WWC2: variants seen among roughly 807,000 people sequenced by gnomAD.
The protein encoded by WWC2 is WW and C2 domain containing 2.
In WWC2, 101 loss-of-function variants were observed where a neutral mutation model predicts 138.5. That is an observed-to-expected ratio of 0.73 (90% CI 0.62 to 0.86). The LOEUF is 0.86. Among genes scored for constraint, WWC2 ranks in the 40% least tolerant of loss-of-function variants. The probability of loss-of-function intolerance (pLI) is 0.00; values close to 1 mark genes in which losing one functional copy is unlikely to be tolerated. For missense variants in WWC2, 1,420 were observed against 1,419.4 expected (o/e 1.00, Z -0.01); for synonymous variants, 558 against 538.4 (o/e 1.04, Z -0.50).
chr4:183,100,484 T>A (rs1743143614), intron 1 of WWC2, among the ~76,000 whole-genome samples: 1 of 152,252 alleles, frequency 6.6e-6, no homozygotes. Context: ...AATTATAAAT[T>A]TGTAAATTAT....
intron 1 of WWC2, among the ~76,000 whole-genome samples, chr4:183,153,736 C>T (rs1450220165): frequency 6.8e-6 from 1 of 147,772 alleles, no homozygotes; most frequent in African/African-American, 2.5e-5. Context: ...GTCTTGATCT[C>T]CTGGGCTCAA....
intron 1 of WWC2, among the ~76,000 whole-genome samples, chr4:183,192,263 T>C (rs1409653787): frequency 6.6e-6 from 1 of 152,230 alleles, no homozygotes; most frequent in Non-Finnish European, 1.5e-5. Context: ...CTAGTTAAAT[T>C]GCAGGGAGAG....
chr4:183,160,132 A>G (rs1733918194), intron 1 of WWC2, among the ~76,000 whole-genome samples: 1 of 152,246 alleles, frequency 6.6e-6, no homozygotes, highest in African/African-American at 2.4e-5. Context: ...CAAATCCTGT[A>G]TAAGTAACAA....
intron 4 of WWC2, among the ~76,000 whole-genome samples, chr4:183,215,008 A>C (rs956513326): frequency 6.6e-6 from 1 of 152,196 alleles, no homozygotes; most frequent in Non-Finnish European, 1.5e-5. Flanking sequence ...TTTGGAAATG[A>C]ATTTGTATTG....
chr4:183,217,554 A>G (rs1355339278), intron 4 of WWC2, among the ~76,000 whole-genome samples: 1 of 152,172 alleles, frequency 6.6e-6, no homozygotes, highest in Non-Finnish European at 1.5e-5. Context: ...AAGAATGTAA[A>G]GGAAAATGTG....
intron 16 of WWC2, among the ~76,000 whole-genome samples, chr4:183,274,398 A>G (rs1288726676): frequency 1.3e-5 from 2 of 152,160 alleles, no homozygotes; most frequent in African/African-American, 4.8e-5. Context: ...ATTTCTTTCA[A>G]TAATATTTCA....
intron 1 of WWC2, among the ~76,000 whole-genome samples, chr4:183,129,821 T>C (rs772182308): frequency 2.0e-5 from 3 of 152,214 alleles, no homozygotes; most frequent in Non-Finnish European, 4.4e-5. Flanking sequence ...TCCATGTCTT[T>C]GATGGCTTTT....
chr4:183,118,413 T>A (rs1732495392), intron 1 of WWC2, among the ~76,000 whole-genome samples: 1 of 152,190 alleles, frequency 6.6e-6, no homozygotes, highest in Non-Finnish European at 1.5e-5. Context: ...TTTCTGTCTT[T>A]ATGGTAGCTA....
intron 20 of WWC2, 65 bp downstream of exon 20, chr4:183,286,124 A>G (rs1738242146): frequency 1.4e-6 from 2 of 1,411,492 alleles, no homozygotes; most frequent in Non-Finnish European, 2.0e-6. Flanking sequence ...CTTGTGCAGC[A>G]CAAACTCCAG....
At chr4:183,174,161 T>A (rs918586033) in intron 1 of WWC2, among the ~76,000 whole-genome samples, 22 of 152,218 alleles carry the variant, frequency 1.4e-4, no homozygotes, top group Non-Finnish European at 2.9e-5. Flanking sequence ...CTGTTTTTAA[T>A]AAGGTACTCC....
intron 4 of WWC2, among the ~76,000 whole-genome samples, chr4:183,236,102 G>A (rs1736415576): frequency 6.6e-6 from 1 of 152,112 alleles, no homozygotes; most frequent in African/African-American, 2.4e-5. Context: ...ACCATTTATT[G>A]AAGGGACTGT....
chr4:183,315,712 C>T lies in WWC2; in HGVS notation c.3562C>T (p.Pro1188Ser). 1 of 1,613,068 alleles carries T rather than the reference C, an allele frequency of 6.2e-7. No individual in the cohort carries two copies. The highest frequency in any genetic ancestry group is 8.5e-7 in the Non-Finnish European group (1 of 1,179,268). Residue 1188 changes from proline to serine, a missense_variant, in exon 23 of 23, where the codon CCA (proline) becomes TCA (serine). Transcript: ENST00000403733. ...AGCAAAGATAAGCATCCCATCCCTG[C>T]CAGCTGATGATGTGTGATTACATGA... Reference protein sequence around the residue: ...TRAKISIPSLPADDV With the variant: ...TRAKISIPSLSADDV
chr4:183,106,615 C>G (rs1743369686), intron 1 of WWC2, among the ~76,000 whole-genome samples: 1 of 152,170 alleles, frequency 6.6e-6, no homozygotes, highest in African/African-American at 2.4e-5. Context: ...TTTGCAAAAA[C>G]TGATCTACTT....
intron 21 of WWC2, among the ~76,000 whole-genome samples, chr4:183,293,335 A>G (rs1329125227): frequency 6.6e-6 from 1 of 152,228 alleles, no homozygotes; most frequent in African/African-American, 2.4e-5. Context: ...TTTTAATACT[A>G]GGAAATATAT....
At position 183,312,352 on chromosome 4, in the gene WWC2, C is replaced by T; in HGVS notation, c.3396C>T (p.Ser1132=). The part of the protein sequence containing the change: ...LKQAEKQAEQ[S]KEEQKQGLNA... The stretch of plus-strand genomic sequence containing the variant: ...ATTCCCTTTTCCAGGCTGAACAGTC[C>T]AAAGAAGAGCAGAAGCAAGGTCTGA... The change falls in exon 22 of 23, where the codon TCC becomes TCT. Residue 1132 remains serine (S), a synonymous_variant. Coordinates refer to ENST00000403733, the MANE Select transcript of WWC2 (RefSeq NM_024949.6). 1 of 1,613,226 alleles carries T rather than the reference C, an allele frequency of 6.2e-7. No individual in the cohort carries two copies. Among genetic ancestry groups the T allele is most frequent in the Non-Finnish European group, 8.5e-7 (1 of 1,179,528 alleles).
intron 1 of WWC2, among the ~76,000 whole-genome samples, chr4:183,188,516 G>T (rs1425616977): frequency 6.6e-6 from 1 of 152,006 alleles, no homozygotes; most frequent in Non-Finnish European, 1.5e-5. Context: ...GGGATTACAG[G>T]TATTAGCCAC....
In WWC2 at chr4:183,253,884, G is replaced by A. The variant is rs149721424; in HGVS notation, c.1081G>A (p.Val361Ile). Residue 361 changes from valine to isoleucine, a missense_variant, in exon 9 of 23, where the codon GTC becomes ATC. By Grantham distance (29) the Val-to-Ile change is conservative (BLOSUM62 3). Coordinates refer to ENST00000403733, the MANE Select transcript of WWC2 (RefSeq NM_024949.6). Reference protein sequence around the residue: ...KEELLKELQFVTPQKRTQDEL... With the variant: ...KEELLKELQFITPQKRTQDEL... The stretch of plus-strand genomic sequence containing the variant: ...AGAACTTTTGAAAGAGCTTCAGTTC[G>A]TCACCCCACAGAAACGTACCCAAGA... 8.9e-5 allele frequency: 144 copies of A among 1,613,750 alleles called. 2 individuals carry two copies. In the African/African-American group the frequency reaches 1.4e-3, roughly 15 times the overall value.
chr4:183,250,097 T>G (rs999317559), intron 8 of WWC2, 104 bp downstream of exon 8: 22 of 1,029,996 alleles, frequency 2.1e-5, no homozygotes, highest in Non-Finnish European at 2.9e-5. Flanking sequence ...CATACATTCT[T>G]ACCAAGGCCA....
chr4:183,261,808 T>A (rs1187150058), intron 11 of WWC2, among the ~76,000 whole-genome samples: 1 of 152,234 alleles, frequency 6.6e-6, no homozygotes, highest in African/African-American at 2.4e-5. Flanking sequence ...TGGGAACATA[T>A]GTTGTGAACA....
Sources: allele counts gnomAD v4.1 joint callset (sites outside exome capture counted in the v4.1 genomes callset), GRCh38; gene constraint gnomAD v4.1.1; transcripts MANE v1.5; gene names NCBI Gene and HGNC (gene_info 2026-07-23, HGNC 2026-07-21).